Variants in STXBP4 observed in about 807,000 individuals in gnomAD.
The protein encoded by STXBP4 is syntaxin-binding protein 4.
STXBP4 carries 55 observed loss-of-function variants against 76.1 expected under a neutral mutation model. The observed-to-expected ratio is 0.72, with a 90% CI of 0.58 to 0.91. STXBP4 has a LOEUF of 0.91. STXBP4 is among the 40% of genes least tolerant of loss of function. The pLI is 0.00. For missense variants in STXBP4, 618 were observed against 636.9 expected (o/e 0.97, Z 0.32); for synonymous variants, 201 against 220.2 (o/e 0.91, Z 0.77).
chr17:55,188,817 C>T, the STXBP4 span, among the ~76,000 whole-genome samples: 1 of 152,178 alleles, frequency 6.6e-6, no homozygotes, highest in Non-Finnish European at 1.5e-5. Flanking sequence ...CTCTTCTTTC[C>T]GTTAAAATTT....
intron 8 of STXBP4, among the ~76,000 whole-genome samples, chr17:55,023,813 G>T (rs1413293166): frequency 1.3e-5 from 2 of 150,652 alleles, no homozygotes; most frequent in Non-Finnish European, 2.9e-5. Context: ...AGATATTGGG[G>T]CTCAGTTTTA....
In STXBP4 at chr17:55,064,757, G is replaced by A. The variant is rs186524149; in HGVS notation, c.1012-8143G>A. Among the ~76,000 whole-genome samples the A allele has an allele frequency of 1.0e-3, 157 of 152,158 alleles. 1 individual carries two copies. The highest frequency in any genetic ancestry group is 3.5e-3 in the African/African-American group (147 of 41,518). On this transcript the variant is annotated intron_variant, in intron 12 of 17. Coordinates refer to ENST00000376352, the MANE Select transcript of STXBP4 (RefSeq NM_178509.6). ...GTGACCTTGCGATCCACCCACCTCCGCCTCCCAAAGTGCCGGGATTACAGT... is the reference window on the plus strand; with the variant it reads ...GTGACCTTGCGATCCACCCACCTCCACCTCCCAAAGTGCCGGGATTACAGT...
chr17:55,141,549 G>A (rs531154007), intron 17 of STXBP4, among the ~76,000 whole-genome samples, 182 bp downstream of exon 17: 1 of 152,008 alleles, frequency 6.6e-6, no homozygotes, highest in Non-Finnish European at 1.5e-5. Context: ...ATATCATTTG[G>A]GGGAAAAAAC....
chr17:55,042,091 T>A (rs1197964791), intron 10 of STXBP4, among the ~76,000 whole-genome samples: 1 of 152,178 alleles, frequency 6.6e-6, no homozygotes, highest in Non-Finnish European at 1.5e-5. Context: ...ACCAGTGATC[T>A]TCAGGGAAAT....
rs1193445640 is a variant in STXBP4, at chr17:55,039,745, A to AG, written c.856-3491_856-3490insG. ...ACTAAGGAAGAAGAATGAATAAAAA[A>AG]AAAAACTCAAAAGTTTTGTCTAGGA... On this transcript the variant is annotated intron_variant, in intron 10 of 17. Transcript: ENST00000376352. Among the ~76,000 whole-genome samples, 19 of 152,300 alleles carry AG rather than the reference A, an allele frequency of 1.2e-4. 2 individuals are homozygous for AG. The highest frequency in any genetic ancestry group is 4.6e-4 in the African/African-American group (19 of 41,588).
Position 54,986,252 on chromosome 17 carries a change from C to T in STXBP4, c.33C>T (p.Pro11=). MNKNTSTVVS[P]SLLEKDPAFQ... is the part of the protein sequence containing the mutation. ...AAAATACATCTACTGTAGTATCACC[C>T]AGTCTACTTGAAAAGTAATTTTTAA... The change falls in exon 3 of 18, where the codon CCC becomes CCT. Residue 11 remains proline, a synonymous_variant. Transcript: ENST00000376352. 6.3e-7 allele frequency: 1 copy of T among 1,598,740 alleles called. No individual in the cohort carries two copies. Among genetic ancestry groups the T allele is most frequent in the Non-Finnish European group, 8.5e-7 (1 of 1,172,862 alleles).
chr17:55,079,869 G>A (rs2079234956), intron 15 of STXBP4, among the ~76,000 whole-genome samples: 1 of 152,040 alleles, frequency 6.6e-6, no homozygotes, highest in South Asian at 2.1e-4. Context: ...TTTTAATTTA[G>A]AAGAATATTT....
intron 1 of STXBP4, among the ~76,000 whole-genome samples, chr17:54,979,434 C>G (rs2077517848): frequency 6.6e-6 from 1 of 152,138 alleles, no homozygotes; most frequent in South Asian, 2.1e-4. Context: ...CCCAAGAAAG[C>G]AATTAAATCT....
At chr17:55,127,582 G>T (rs116607992) in intron 16 of STXBP4, among the ~76,000 whole-genome samples, 1,759 of 151,828 alleles carry the variant, frequency 0.012, 34 homozygotes, top group African/African-American at 0.04. Context: ...GCAAAATTGG[G>T]GTCACTTTTA....
chr17:55,202,358 A>G, the STXBP4 span, among the ~76,000 whole-genome samples: 4 of 152,136 alleles, frequency 2.6e-5, no homozygotes, highest in Non-Finnish European at 5.9e-5. Context: ...ATTGAGTAGG[A>G]CTAAACAGGT....
At chr17:55,098,977 T>C (rs565614687) in intron 16 of STXBP4, among the ~76,000 whole-genome samples, 64 of 152,316 alleles carry the variant, frequency 4.2e-4, no homozygotes, top group African/African-American at 1.5e-3. Context: ...TAATATCTGT[T>C]TAGTAAGCAC....
At chr17:55,134,381 T>TA (rs1485534113) in intron 16 of STXBP4, among the ~76,000 whole-genome samples, 1 of 152,016 alleles carries the variant, frequency 6.6e-6, no homozygotes, top group Non-Finnish European at 1.5e-5. Context: ...ATAACAAATT[T>TA]AAAGTGTTTA....
At chr17:55,022,722 T>C (rs987691723) in intron 8 of STXBP4, among the ~76,000 whole-genome samples, 5 of 152,144 alleles carry the variant, frequency 3.3e-5, no homozygotes, top group Non-Finnish European at 7.4e-5. Context: ...ACTTCTGAGA[T>C]ATAAGGGAAC....
intron 1 of STXBP4, among the ~76,000 whole-genome samples, chr17:54,971,399 G>T (rs73990254): frequency 0.018 from 2,740 of 152,258 alleles, 82 homozygotes; most frequent in African/African-American, 0.061. Context: ...CTGGTGAGGG[G>T]TCTCCCTGGC....
At chr17:55,014,803 C>G (rs2078175693) in intron 8 of STXBP4, among the ~76,000 whole-genome samples, 1 of 152,058 alleles carries the variant, frequency 6.6e-6, no homozygotes, top group African/African-American at 2.4e-5. Flanking sequence ...TTAAAGTGTC[C>G]TCGTAGGCCA....
chr17:55,130,012 C>A (rs2079957664), intron 16 of STXBP4, among the ~76,000 whole-genome samples: 2 of 152,084 alleles, frequency 1.3e-5, no homozygotes, highest in Admixed American at 1.3e-4. Flanking sequence ...TGTGTCGCCA[C>A]TTAAGATGGA....
chr17:55,040,089 T>C (rs1221170316), intron 10 of STXBP4, among the ~76,000 whole-genome samples: 3 of 152,106 alleles, frequency 2.0e-5, no homozygotes, highest in Non-Finnish European at 2.9e-5. Context: ...AAGTAACTCA[T>C]TGGGAATAGC....
At chr17:55,177,528 C>T (rs374106129), downstream of STXBP4, among the ~76,000 whole-genome samples, 221 of 152,268 alleles carry the variant, frequency 1.5e-3, 7 homozygotes, top group South Asian at 0.045. Context: ...CTGTGTAGTC[C>T]TCTGACTCAT....
intron 8 of STXBP4, among the ~76,000 whole-genome samples, chr17:55,020,320 T>C (rs749921066): frequency 5.9e-5 from 9 of 152,244 alleles, no homozygotes; most frequent in Non-Finnish European, 1.3e-4. Flanking sequence ...TAATTTGTTA[T>C]TGTCTACCTA....
Sources: allele counts gnomAD v4.1 joint callset (sites outside exome capture counted in the v4.1 genomes callset), GRCh38; gene constraint gnomAD v4.1.1; transcripts MANE v1.5; gene names NCBI Gene and HGNC (gene_info 2026-07-23, HGNC 2026-07-21).